The following PDE4B variants were observed in gnomAD, a reference collection of about 807,000 sequenced individuals.
PDE4B encodes phosphodiesterase 4B, also known as 3',5'-cyclic-AMP phosphodiesterase 4B.
Under a neutral mutation model 82.2 loss-of-function variants are expected in PDE4B, and 20 were observed. The observed-to-expected ratio is 0.24, with a 90% CI of 0.17 to 0.35. The LOEUF (loss-of-function observed/expected upper bound fraction) is 0.35, where lower values mean the gene tolerates loss of function less well. Among genes scored for constraint, PDE4B ranks in the 10% least tolerant of loss-of-function variants. The pLI, the probability that PDE4B is intolerant of heterozygous loss-of-function variation, is 1.00. For synonymous variants in PDE4B, 320 were observed against 318.9 expected (o/e 1.00, Z -0.04); for missense variants, 655 against 907.2 (o/e 0.72, Z 3.57).
At chr1:66,245,715 C>T (rs1653259815) in intron 3 of PDE4B, among the ~76,000 whole-genome samples, 3 of 152,218 alleles carry the variant, frequency 2.0e-5, no homozygotes, top group Admixed American at 2.0e-4. Context: ...GAAAATTCAT[C>T]TACAGTACCT....
intron 3 of PDE4B, among the ~76,000 whole-genome samples, chr1:66,144,157 T>A (rs573574287): frequency 6.1e-4 from 93 of 152,332 alleles, no homozygotes; most frequent in African/African-American, 2.2e-3. Context: ...AGGAAAACTT[T>A]CCAGATTTTC....
chr1:65,879,344 T>A (rs1013012913), intron 1 of PDE4B, among the ~76,000 whole-genome samples: 1 of 152,146 alleles, frequency 6.6e-6, no homozygotes, highest in African/African-American at 2.4e-5. Flanking sequence ...TGTATGAAAT[T>A]TTACTTGGTC....
At chr1:66,249,642 T>A (rs1653598521) in intron 4 of PDE4B, among the ~76,000 whole-genome samples, 1 of 152,108 alleles carries the variant, frequency 6.6e-6, no homozygotes. Flanking sequence ...CCTTTCAATT[T>A]TACTGGCCAG....
At chr1:66,231,338 AAGAG>A (rs1651933239) in intron 3 of PDE4B, among the ~76,000 whole-genome samples, 1 of 152,222 alleles carries the variant, frequency 6.6e-6, no homozygotes, top group African/African-American at 2.4e-5. Flanking sequence ...ACACTGTGTG[AAGAG>A]CCCTCTGTCC....
chr1:66,372,063 A>C (rs988247041), intron 16 of PDE4B, among the ~76,000 whole-genome samples: 2 of 152,216 alleles, frequency 1.3e-5, no homozygotes, highest in Non-Finnish European at 2.9e-5. Flanking sequence ...AAGATATTTA[A>C]TCTCAATAAG....
chr1:65,962,743 A>G (rs1306510903), intron 3 of PDE4B, among the ~76,000 whole-genome samples: 1 of 152,176 alleles, frequency 6.6e-6, no homozygotes, highest in Non-Finnish European at 1.5e-5. Flanking sequence ...TTGCATTTCC[A>G]GTTCTTTAGG....
rs189227717 is a variant in PDE4B, at chr1:66,069,925, G to T, written c.281+151090G>T. On this transcript the variant is annotated intron_variant, in intron 3 of 16. Coordinates refer to ENST00000341517, the MANE Select transcript of PDE4B (RefSeq NM_002600.4). Reference sequence around the variant, plus strand: ...ACTCCTTTTTGATTCTTTGTGTAAAGCTCTGTTATAATATTCCTTCCATTC... The same window carrying T: ...ACTCCTTTTTGATTCTTTGTGTAAATCTCTGTTATAATATTCCTTCCATTC... Among the ~76,000 whole-genome samples the T allele has an allele frequency of 2.3e-3, 346 of 151,998 alleles. 1 individual carries two copies. The highest frequency in any genetic ancestry group is 4.6e-3 in the Admixed American group (70 of 15,214).
chr1:66,205,080 T>C lies in PDE4B; in HGVS notation c.282-42380T>C, dbSNP rs79444985. 3.9e-3 allele frequency among the ~76,000 whole-genome samples: 590 copies of C among 152,338 alleles called. 2 individuals are homozygous for C. The highest frequency in any genetic ancestry group is 0.01 in the Middle Eastern group (3 of 294). On this transcript the variant is annotated intron_variant, in intron 3 of 16. Transcript: ENST00000341517. Reference sequence around the variant, plus strand: ...ATGGCCATGCCTAAGTTTTAGAATTTATGGCTCATCTATGCAGAGAAAAAC... The same window carrying C: ...ATGGCCATGCCTAAGTTTTAGAATTCATGGCTCATCTATGCAGAGAAAAAC...
At chr1:66,000,120 A>G (rs1355271025) in intron 3 of PDE4B, among the ~76,000 whole-genome samples, 2 of 152,180 alleles carry the variant, frequency 1.3e-5, no homozygotes, top group Non-Finnish European at 2.9e-5. Flanking sequence ...TGTAAAGTAA[A>G]TATTTGTCTG....
intron 1 of PDE4B, among the ~76,000 whole-genome samples, chr1:65,876,938 G>A (rs1276027883): frequency 2.0e-5 from 3 of 152,098 alleles, no homozygotes; most frequent in African/African-American, 7.2e-5. Context: ...CCATGCTCGT[G>A]GATAGGATGA....
At chr1:66,087,085 C>T (rs541052663) in intron 3 of PDE4B, among the ~76,000 whole-genome samples, 2 of 152,180 alleles carry the variant, frequency 1.3e-5, no homozygotes, top group African/African-American at 2.4e-5. Flanking sequence ...TTTATATTCA[C>T]GTATTGCAAA....
chr1:66,348,748 A>T (rs1025174640), intron 8 of PDE4B, among the ~76,000 whole-genome samples: 1 of 151,500 alleles, frequency 6.6e-6, no homozygotes, highest in South Asian at 2.1e-4. Flanking sequence ...TATTTGCTAA[A>T]TCTGGCAACC....
At position 66,369,808 on chromosome 1, in the gene PDE4B, A is replaced by G. The variant is rs534117866; in HGVS notation, c.1845+839A>G. 2.6e-5 allele frequency among the ~76,000 whole-genome samples: 4 copies of G among 152,288 alleles called. No individual in the cohort carries two copies. In the South Asian group the frequency reaches 8.3e-4, roughly 32 times the overall value. On this transcript the variant is annotated intron_variant, in intron 16 of 16. Coordinates refer to ENST00000341517, the MANE Select transcript of PDE4B (RefSeq NM_002600.4). ...TATTAATATACAGTTCCTTTGCAAT[A>G]TTTATTTTGTTGCTTCTTAGAGAAA...
chr1:65,830,982 A>C (rs1167153329), intron 1 of PDE4B, among the ~76,000 whole-genome samples: 1 of 152,134 alleles, frequency 6.6e-6, no homozygotes, highest in African/African-American at 2.4e-5. Context: ...AATAATTTGA[A>C]CTAAAGGAAA....
chr1:66,095,561 C>T (rs557982028), intron 3 of PDE4B, among the ~76,000 whole-genome samples: 6 of 151,986 alleles, frequency 3.9e-5, no homozygotes, highest in Admixed American at 1.3e-4. Context: ...AATAACCTGC[C>T]AATTTCTCCA....
chr1:66,291,704 A>G (rs1418973042), intron 7 of PDE4B, among the ~76,000 whole-genome samples: 3 of 152,214 alleles, frequency 2.0e-5, no homozygotes, highest in Non-Finnish European at 4.4e-5. Flanking sequence ...ATGTGACAGC[A>G]TAAGCTGCAC....
At chr1:66,220,941 A>G (rs1213954591) in intron 3 of PDE4B, among the ~76,000 whole-genome samples, 2 of 152,200 alleles carry the variant, frequency 1.3e-5, no homozygotes, top group African/African-American at 4.8e-5. Flanking sequence ...TTTTACTGCT[A>G]TTAAAAGTAG....
intron 3 of PDE4B, among the ~76,000 whole-genome samples, chr1:66,178,244 T>A (rs1480809417): frequency 6.6e-6 from 1 of 152,106 alleles, no homozygotes; most frequent in African/African-American, 2.4e-5. Flanking sequence ...CTATGCCAAT[T>A]TAGGGTACCT....
intron 3 of PDE4B, among the ~76,000 whole-genome samples, chr1:66,186,464 TGA>T (rs199556871): frequency 0.014 from 2,096 of 152,328 alleles, 26 homozygotes; most frequent in Non-Finnish European, 0.023. Context: ...TTCCTACCCA[TGA>T]GCATGGAATG....
Sources: allele counts gnomAD v4.1 joint callset (sites outside exome capture counted in the v4.1 genomes callset), GRCh38; gene constraint gnomAD v4.1.1; transcripts MANE v1.5; gene names NCBI Gene and HGNC (gene_info 2026-07-23, HGNC 2026-07-21).